Variants in MYRIP observed in about 807,000 individuals in gnomAD.
The protein encoded by MYRIP is myosin VIIA and Rab interacting protein.
Under a neutral mutation model 98.0 loss-of-function variants are expected in MYRIP, and 49 were observed. That is an observed-to-expected ratio of 0.50 (90% CI 0.40 to 0.63). The LOEUF is 0.63. Among genes scored for constraint, MYRIP ranks in the 30% least tolerant of loss-of-function variants. The pLI is 0.00. For synonymous variants in MYRIP, 404 were observed against 409.5 expected (o/e 0.99, Z 0.16); for missense variants, 1,004 against 1,058.2 (o/e 0.95, Z 0.71).
At chr3:39,969,832 C>G (rs1945533171) in intron 2 of MYRIP, among the ~76,000 whole-genome samples, 1 of 152,096 alleles carries the variant, frequency 6.6e-6, no homozygotes, top group South Asian at 2.1e-4. Flanking sequence ...TGATGCTGGC[C>G]TAATAGAATG....
intron 15 of MYRIP, among the ~76,000 whole-genome samples, 165 bp downstream of exon 15, chr3:40,250,664 C>A (rs1953346854): frequency 6.6e-6 from 1 of 152,122 alleles, no homozygotes; most frequent in South Asian, 2.1e-4. Context: ...AACCCTGGGA[C>A]AAGGATAGGA....
chr3:40,125,806 G>A (rs139248569), intron 3 of MYRIP, among the ~76,000 whole-genome samples: 3,350 of 152,100 alleles, frequency 0.022, 53 homozygotes, highest in Non-Finnish European at 0.032. Flanking sequence ...TGTCAGCTCC[G>A]GCATCTCACC....
At chr3:40,217,768 T>C (rs1952169350) in intron 11 of MYRIP, among the ~76,000 whole-genome samples, 1 of 152,112 alleles carries the variant, frequency 6.6e-6, no homozygotes, top group Non-Finnish European at 1.5e-5. Context: ...AAACCCCAAG[T>C]TTAGAAATTA....
intron 3 of MYRIP, among the ~76,000 whole-genome samples, chr3:40,116,274 T>C (rs1949276267): frequency 6.6e-6 from 1 of 152,138 alleles, no homozygotes; most frequent in Admixed American, 6.6e-5. Flanking sequence ...ACCTCCTCCA[T>C]GAGTTGTGTA....
intron 3 of MYRIP, chr3:40,099,927 T>C (rs1948911507): frequency 6.6e-6 from 6 of 906,006 alleles, no homozygotes; most frequent in African/African-American, 1.8e-5. Context: ...CTCTCCCTGT[T>C]GCACATGTGT....
At chr3:40,171,579 G>A (rs1950614380) in intron 8 of MYRIP, among the ~76,000 whole-genome samples, 1 of 152,206 alleles carries the variant, frequency 6.6e-6, no homozygotes, top group Non-Finnish European at 1.5e-5. Flanking sequence ...GAGTCAATGA[G>A]TCAGAGGCAA....
At chr3:40,102,732 T>C (rs1948970204) in intron 3 of MYRIP, among the ~76,000 whole-genome samples, 1 of 151,970 alleles carries the variant, frequency 6.6e-6, no homozygotes, top group South Asian at 2.1e-4. Context: ...GTTAGGTATG[T>C]ACACCCTGGA....
chr3:39,916,663 C>G (rs769458609), intron 2 of MYRIP, among the ~76,000 whole-genome samples: 4 of 152,036 alleles, frequency 2.6e-5, no homozygotes, highest in Non-Finnish European at 4.4e-5. Flanking sequence ...CATACCATTT[C>G]AAACCCCACA....
intron 2 of MYRIP, among the ~76,000 whole-genome samples, chr3:39,925,846 C>A (rs1348536750): frequency 3.3e-5 from 5 of 152,014 alleles, no homozygotes; most frequent in African/African-American, 1.2e-4. Context: ...GGTATATACC[C>A]AGTAGTGGGA....
rs138207072 is a variant in MYRIP at position 40,118,374 on chromosome 3, T to C, written c.333-32674T>C. Among the ~76,000 whole-genome samples the C allele has an allele frequency of 2.7e-4, 41 of 152,318 alleles. 2 individuals are homozygous for C. The East Asian group carries it at 6.9e-3, about 26-fold the overall frequency. On this transcript the variant is annotated intron_variant, in intron 3 of 16. Coordinates refer to ENST00000302541, the MANE Select transcript of MYRIP (RefSeq NM_015460.4). ...AATTTATTTTGCAGATATATTTGCC[T>C]GTATGCAAAGGGACAGGTGTAAAGA...
intron 2 of MYRIP, among the ~76,000 whole-genome samples, chr3:39,987,548 A>G (rs1946061771): frequency 6.6e-6 from 1 of 152,146 alleles, no homozygotes; most frequent in Non-Finnish European, 1.5e-5. Flanking sequence ...GTCAAATGGT[A>G]TGTCTGGTTC....
chr3:40,104,799 C>T (rs1018472119), intron 3 of MYRIP, among the ~76,000 whole-genome samples: 3 of 152,132 alleles, frequency 2.0e-5, no homozygotes, highest in Non-Finnish European at 4.4e-5. Context: ...GTCCTGAATG[C>T]GTATATTGTT....
At chr3:40,181,823 T>A (rs1404010976) in intron 8 of MYRIP, among the ~76,000 whole-genome samples, 2 of 152,204 alleles carry the variant, frequency 1.3e-5, no homozygotes, top group Admixed American at 1.3e-4. Flanking sequence ...GTGCTGTGGA[T>A]GGATCATACC....
At position 40,141,047 on chromosome 3, in the gene MYRIP, C is replaced by T. The variant is rs368722868; in HGVS notation, c.333-10001C>T. Among the ~76,000 whole-genome samples the T allele has an allele frequency of 5.9e-5, 9 of 152,194 alleles. No homozygotes were observed. In the East Asian group the frequency reaches 1.5e-3, roughly 26 times the overall value. ...TGTACCCATTAACCATCTTCATCTC[C>T]CTCTCCACCTCCCACTACTCTTCCT... On this transcript the variant is annotated intron_variant, in intron 3 of 16. Transcript: ENST00000302541.
intron 10 of MYRIP, among the ~76,000 whole-genome samples, chr3:40,192,842 G>T (rs1269483037): frequency 1.3e-5 from 2 of 152,188 alleles, no homozygotes; most frequent in Non-Finnish European, 2.9e-5. Flanking sequence ...CTGAGTCATT[G>T]TATATAGAGG....
At chr3:39,960,908 T>G (rs1945307621) in intron 2 of MYRIP, among the ~76,000 whole-genome samples, 1 of 152,162 alleles carries the variant, frequency 6.6e-6, no homozygotes, top group South Asian at 2.1e-4. Context: ...TCATGAGTGT[T>G]GTGCTGTGCA....
Position 39,894,134 on chromosome 3 carries a change from G to A in MYRIP, c.-30-6653G>A, listed in dbSNP as rs957691575. Reference sequence around the variant, plus strand: ...TATTTCTATCTATTTATACAAGATTGTACTATTCATACTATATTATTTTAC... The same window carrying A: ...TATTTCTATCTATTTATACAAGATTATACTATTCATACTATATTATTTTAC... On this transcript the variant is annotated intron_variant, in intron 1 of 16. Coordinates refer to ENST00000302541, the MANE Select transcript of MYRIP (RefSeq NM_015460.4). 3.9e-5 allele frequency among the ~76,000 whole-genome samples: 6 copies of A among 152,072 alleles called. No individual in the cohort carries two copies. The South Asian group carries it at 1.2e-3, about 31-fold the overall frequency.
chr3:40,181,927 C>T (rs931082233), intron 8 of MYRIP, among the ~76,000 whole-genome samples: 2 of 152,106 alleles, frequency 1.3e-5, no homozygotes, highest in African/African-American at 4.8e-5. Flanking sequence ...ACAGTTGGCC[C>T]TGAGAAATAT....
At position 40,233,996 on chromosome 3, in the gene MYRIP, T is replaced by C. The variant is rs1559468695; in HGVS notation, c.2043T>C (p.Phe681=). 1 of 1,613,584 alleles carries C rather than the reference T, an allele frequency of 6.2e-7. No individual in the cohort carries two copies. Among genetic ancestry groups the C allele is most frequent in the East Asian group, 2.2e-5 (1 of 44,856 alleles). Residue 681 remains phenylalanine (F), a synonymous_variant, in exon 12 of 17, where the codon TTT becomes TTC. Transcript: ENST00000302541. ...QVPPDRQKGM[F]PRGTDQVRLD... ...CTCCTGACAGACAGAAGGGGATGTT[T>C]CCTCGTGGGACAGACCAAGTGAGAC...
Sources: allele counts gnomAD v4.1 joint callset (sites outside exome capture counted in the v4.1 genomes callset), GRCh38; gene constraint gnomAD v4.1.1; transcripts MANE v1.5; gene names NCBI Gene and HGNC (gene_info 2026-07-23, HGNC 2026-07-21).